Variants in NBEAL2 observed in about 807,000 individuals in gnomAD.
The protein encoded by NBEAL2 is neurobeachin like 2.
In NBEAL2, 160 loss-of-function variants were observed where a neutral mutation model predicts 299.8. The observed-to-expected ratio is 0.53, with a 90% CI of 0.47 to 0.61. The LOEUF is 0.61. NBEAL2 is among the 20% of genes least tolerant of loss of function. The pLI, the probability that NBEAL2 is intolerant of heterozygous loss-of-function variation, is 0.00. For missense variants in NBEAL2, 3,112 were observed against 3,649.0 expected (o/e 0.85, Z 3.79); for synonymous variants, 1,493 against 1,542.3 (o/e 0.97, Z 0.75).
At chr3:46,987,902 G>T in intron 1 of NBEAL2, 1 of 995,644 alleles carries the variant, frequency 1.0e-6, no homozygotes, top group Non-Finnish European at 1.3e-6. Flanking sequence ...CATCCCTGCG[G>T]TCTGCCGGGA....
chr3:46,994,915 A>G, intron 12 of NBEAL2, 117 bp from the exon 13 acceptor site: 1 of 1,381,432 alleles, frequency 7.2e-7, no homozygotes, highest in Non-Finnish European at 9.7e-7. Context: ...ACCTGTGGGC[A>G]GGATGGAGTA....
intron 1 of NBEAL2, among the ~76,000 whole-genome samples, chr3:46,984,228 C>T (rs1402660098): frequency 6.6e-6 from 1 of 152,022 alleles, no homozygotes; most frequent in Non-Finnish European, 1.5e-5. Flanking sequence ...ATGGTGTGAA[C>T]CTGGGAGGCG....
chr3:46,988,746 G>A lies in NBEAL2; in HGVS notation c.129G>A (p.Leu43=), dbSNP rs1238656486. 22 of 1,613,464 alleles carry A rather than the reference G, an allele frequency of 1.4e-5. No individual in the cohort carries two copies. Among genetic ancestry groups the A allele is most frequent in the Non-Finnish European group, 1.8e-5 (21 of 1,179,480 alleles). Residue 43 remains leucine (L), a synonymous_variant, in exon 2 of 54, where the codon CTG becomes CTA. Coordinates refer to ENST00000450053, the MANE Select transcript of NBEAL2 (RefSeq NM_015175.3). The surrounding 1 kb of genome is among the most constrained non-coding windows in gnomAD (Gnocchi z 4.4). Reference sequence around the variant, plus strand: ...AGAAGAGCATCTCACTGTCCTCTCTGGAGCCACGAAGGTGAGGCTGGATCT... The same window carrying A: ...AGAAGAGCATCTCACTGTCCTCTCTAGAGCCACGAAGGTGAGGCTGGATCT... The part of the protein sequence containing the change: ...AFKKSISLSS[L]EPRRPEEAGA...
Position 46,999,078 on chromosome 3 carries a change from G to T in NBEAL2, c.3504G>T (p.Arg1168=). ...NLEVLLALLV[R]PGSLPLLPDR... ...AAGTGCTACTGGCCCTGCTAGTGCG[G>T]CCAGGGTCACTGCCCCTGCTGCCCG... Residue 1168 remains arginine, a synonymous_variant, in exon 24 of 54, where the codon CGG becomes CGT. Coordinates refer to ENST00000450053, the MANE Select transcript of NBEAL2 (RefSeq NM_015175.3). The T allele has an allele frequency of 1.3e-6, 2 of 1,589,940 alleles. No individual in the cohort carries two copies. The highest frequency in any genetic ancestry group is 1.7e-6 in the Non-Finnish European group (2 of 1,168,792).
chr3:46,998,435 C>A (rs2036674909), intron 21 of NBEAL2, 28 bp from the exon 22 acceptor site: 1 of 1,588,836 alleles, frequency 6.3e-7, no homozygotes, highest in Non-Finnish European at 8.6e-7. Flanking sequence ...AGCCTAGTGG[C>A]CTGAGCCCTC....
chr3:46,989,319 T>C lies in NBEAL2; in HGVS notation c.411T>C (p.His137=). The change falls in exon 5 of 54, where the codon CAT becomes CAC. Residue 137 remains histidine, a synonymous_variant. Coordinates refer to ENST00000450053, the MANE Select transcript of NBEAL2 (RefSeq NM_015175.3). The surrounding 1 kb of genome is among the most constrained non-coding windows in gnomAD (Gnocchi z 5.5). The part of the protein sequence containing the change: ...RGTQLENVAL[H]ALLLCEGLFD... ...CGCAGTTGGAGAATGTGGCCCTACATGCTCTGCTTCTCTGCGAGGGCCTCT... is the reference window on the plus strand; with the variant it reads ...CGCAGTTGGAGAATGTGGCCCTACACGCTCTGCTTCTCTGCGAGGGCCTCT... 6.2e-7 allele frequency: 1 copy of C among 1,601,064 alleles called. No individual in the cohort carries two copies. Among genetic ancestry groups the C allele is most frequent in the Non-Finnish European group, 8.5e-7 (1 of 1,173,908 alleles).
chr3:47,005,650 C>T (rs1306711333), intron 41 of NBEAL2, 31 bp downstream of exon 41: 1 of 1,612,956 alleles, frequency 6.2e-7, no homozygotes, highest in Admixed American at 1.7e-5. Flanking sequence ...CTGGAGCGGG[C>T]AGGTGTAGGG....
In NBEAL2 at chr3:46,991,096, G is replaced by A; in HGVS notation, c.557-123G>A. ...GAGCCAGCTCTTATCCCTCACACTG[G>A]ATCTTTTACTTGGCCCAGCTCCCTC... On this transcript the variant is annotated intron_variant, in intron 6 of 53. Coordinates refer to ENST00000450053, the MANE Select transcript of NBEAL2 (RefSeq NM_015175.3). This position sits in a 1 kb window ranked among gnomAD's most constrained non-coding sequence, Gnocchi z 6.2. 2.5e-6 allele frequency: 2 copies of A among 804,942 alleles called. No homozygotes were observed. The highest frequency in any genetic ancestry group is 2.1e-6 in the Non-Finnish European group (1 of 482,742). 49.9% of individuals were successfully genotyped at this position (804,942 alleles called of 1,614,324 possible).
At chr3:46,990,821 A>T (rs959070065) in intron 6 of NBEAL2, among the ~76,000 whole-genome samples, 1 of 152,184 alleles carries the variant, frequency 6.6e-6, no homozygotes, top group Admixed American at 6.5e-5. Context: ...AGAGCACGGC[A>T]TGGGAAGCAC....
rs10433549 is a variant in NBEAL2, at chr3:46,989,943, C to T, written c.556+350C>T. Among the ~76,000 whole-genome samples, 52,701 of 151,938 alleles carry T rather than the reference C, an allele frequency of 0.35. 9,593 individuals carry two copies. The highest frequency in any genetic ancestry group is 0.49 in the Middle Eastern group (143 of 294). On this transcript the variant is annotated intron_variant, in intron 6 of 53. Transcript: ENST00000450053. This position sits in a 1 kb window ranked among gnomAD's most constrained non-coding sequence, Gnocchi z 5.5. ...AGCCTCCACGCATCTCCACCCATCC[C>T]GGAGACACAGGAGGTATCTCCACCT...
chr3:46,999,404 T>C lies in NBEAL2; in HGVS notation c.3633T>C (p.Val1211=). ...GGGAGTGTGGTCTCCAGGGTCTGGT[T>C]GCCTGCTTGCCTGAGGGGACTGTTT... is the stretch of plus-strand genomic sequence containing the variant. ...RLRECGLQGL[V]ACLPEGTVSP... is the part of the protein sequence containing the mutation. The change falls in exon 25 of 54, where the codon GTT becomes GTC. Residue 1211 remains valine, a synonymous_variant. Transcript: ENST00000450053. 6.3e-7 allele frequency: 1 copy of C among 1,597,942 alleles called. No individual in the cohort carries two copies. Among genetic ancestry groups the C allele is most frequent in the South Asian group, 1.1e-5 (1 of 88,750 alleles).
intron 39 of NBEAL2, 34 bp from the exon 40 acceptor site, chr3:47,005,147 G>A: frequency 1.2e-6 from 2 of 1,613,820 alleles, no homozygotes; most frequent in Non-Finnish European, 1.7e-6. Flanking sequence ...GGCGAGGGGA[G>A]GGCTTCTGCT....
rs1474144837 is a variant in NBEAL2 at position 46,995,352 on chromosome 3, C to T, written c.1617C>T (p.Pro539=). 5.6e-6 allele frequency: 9 copies of T among 1,610,628 alleles called. No homozygotes were observed. The South Asian group carries it at 9.9e-5, about 18-fold the overall frequency. The change falls in exon 13 of 54, where the codon CCC becomes CCT. Residue 539 remains proline, a synonymous_variant. Transcript: ENST00000450053. The stretch of plus-strand genomic sequence containing the variant: ...TGGAGCTGCGTCACCTGCTGCGCCC[C>T]CGGCCAGGATTGGACTCGGAACCAG... ...RPMELRHLLR[P]RPGLDSEPGG...
At chr3:46,999,836 G>C (rs1022262590) in intron 26 of NBEAL2, 53 bp from the exon 27 acceptor site, 2 of 1,598,742 alleles carry the variant, frequency 1.3e-6, no homozygotes, top group African/African-American at 2.7e-5. Context: ...CCTGGATGAG[G>C]GTCTGGAGCA....
intron 10 of NBEAL2, among the ~76,000 whole-genome samples, chr3:46,993,210 C>G (rs1445678058): frequency 6.6e-6 from 1 of 152,230 alleles, no homozygotes; most frequent in Admixed American, 6.5e-5. Context: ...TGACTCCCCT[C>G]TGTTTTTACA....
rs746948488 is a variant in NBEAL2 at position 47,009,227 on chromosome 3, C to CA, written c.8173dup (p.Ser2725LysfsTer28). ...ACCCTTACGCCCACCAGGTGCGCAG[C>CA]AGCCAGTTCGCGCGGAAGCTGTGGC... On this transcript the variant is annotated frameshift_variant, in exon 54 of 54. Coordinates refer to ENST00000450053, the MANE Select transcript of NBEAL2 (RefSeq NM_015175.3). LOFTEE classifies it high-confidence loss of function. 5 of 1,596,322 alleles carry CA rather than the reference C, an allele frequency of 3.1e-6. No individual in the cohort carries two copies. The highest frequency in any genetic ancestry group is 1.3e-5 in the African/African-American group (1 of 74,550).
intron 11 of NBEAL2, 42 bp from the exon 12 acceptor site, chr3:46,994,413 C>T (rs1209749385): frequency 6.5e-7 from 1 of 1,533,350 alleles, no homozygotes; most frequent in Admixed American, 1.9e-5. Flanking sequence ...TGCCCTCCGG[C>T]CCATGTATGT....
rs2035410452 is a variant in NBEAL2 at position 46,982,445 on chromosome 3, C to T, written c.51+2533C>T. Among the ~76,000 whole-genome samples, 2 of 152,176 alleles carry T rather than the reference C, an allele frequency of 1.3e-5. No homozygotes were observed. Among genetic ancestry groups the T allele is most frequent in the African/African-American group, 4.8e-5 (2 of 41,416 alleles). ...CCAGGTTTAGACCCACCCACCCCCTCCCCCTGGGGGCCCGGCTCAACTGGG... is the reference window on the plus strand; with the variant it reads ...CCAGGTTTAGACCCACCCACCCCCTTCCCCTGGGGGCCCGGCTCAACTGGG... On this transcript the variant is annotated intron_variant, in intron 1 of 53. Transcript: ENST00000450053. The surrounding 1 kb of genome is among the most constrained non-coding windows in gnomAD (Gnocchi z 4.2).
In NBEAL2 at chr3:46,997,625, T is replaced by C; in HGVS notation, c.2889T>C (p.Gly963=). The part of the protein sequence containing the change: ...FLLMLRNFLQ[G]HMVNQESLVQ... ...TGATGCTGCGGAACTTCCTTCAGGG[T>C]CACATGGTGAACCAAGAGAGCCTGG... Residue 963 remains glycine (G), a synonymous_variant, in exon 20 of 54, where the codon GGT becomes GGC. Transcript: ENST00000450053. 6.3e-7 allele frequency: 1 copy of C among 1,597,172 alleles called. No homozygotes were observed. Among genetic ancestry groups the C allele is most frequent in the Non-Finnish European group, 8.6e-7 (1 of 1,167,936 alleles).
Sources: gnomAD v4.1 joint callset for allele counts (sites outside exome capture counted in the v4.1 genomes callset) on GRCh38, gnomAD v4.1.1 for gene constraint, Gnocchi (gnomAD v3.1) non-coding constraint, MANE v1.5 for transcripts, NCBI Gene and HGNC (gene_info 2026-07-23, HGNC 2026-07-21) for gene names.